BCR: variants seen among roughly 807,000 people sequenced by gnomAD.
BCR encodes the protein breakpoint cluster region protein.
Under a neutral mutation model 138.6 loss-of-function variants are expected in BCR, and 58 were observed. That is an observed-to-expected ratio of 0.42 (90% confidence interval 0.34 to 0.52). The LOEUF (loss-of-function observed/expected upper bound fraction) is 0.52. Ranked by LOEUF, BCR falls within the 20% of genes least tolerant of loss-of-function variation. BCR has a pLI of 0.06. For synonymous variants in BCR, 786 were observed against 730.1 expected, an observed-to-expected ratio of 1.08 and a Z score of -1.23; for missense variants, 1,599 against 1,727.2, an observed-to-expected ratio of 0.93 and a Z score of 1.32.
At chr22:23,256,477 C>T (rs2073296481) in intron 2 of BCR, among the ~76,000 whole-genome samples, 1 of 152,144 alleles carries the variant, frequency 6.6e-6, no homozygotes. Context: ...GCCCCTTGCC[C>T]TCTGGTATGC....
chr22:23,301,091 A>G (rs570518519), intron 16 of BCR, among the ~76,000 whole-genome samples: 10 of 152,238 alleles, frequency 6.6e-5, no homozygotes, highest in Admixed American at 6.5e-4. Flanking sequence ...ATCATTTGAC[A>G]TCAGGAGTTC....
At chr22:23,208,416 GT>G (rs11383542) in intron 1 of BCR, among the ~76,000 whole-genome samples, 6 of 150,156 alleles carry the variant, frequency 4.0e-5, no homozygotes, top group African/African-American at 9.8e-5. Context: ...TTGATTTTAT[GT>G]TTTTTTTTTA....
chr22:23,265,399 G>A (rs1046774578), intron 4 of BCR, among the ~76,000 whole-genome samples: 3 of 152,254 alleles, frequency 2.0e-5, no homozygotes, highest in African/African-American at 7.2e-5. Context: ...GGTTGGCCCA[G>A]CATCGCTCTG....
rs774285285 is a variant in BCR at position 23,181,749 on chromosome 22, C to G, written c.789C>G (p.Ala263=). ...PRFLKDNLID[A]NGGSRPPWPP... is the part of the protein sequence containing the mutation. Reference sequence around the variant, plus strand: ...TCCTGAAGGACAACCTGATCGACGCCAATGGCGGTAGCAGGCCCCCTTGGC... The same window carrying G: ...TCCTGAAGGACAACCTGATCGACGCGAATGGCGGTAGCAGGCCCCCTTGGC... The change falls in exon 1 of 23, where the codon GCC becomes GCG. Residue 263 remains alanine, a synonymous_variant. Coordinates refer to ENST00000305877, the MANE Select transcript of BCR (RefSeq NM_004327.4). 6.2e-7 allele frequency: 1 copy of G among 1,604,840 alleles called. No individual in the cohort carries two copies. The highest frequency in any genetic ancestry group is 8.5e-7 in the Non-Finnish European group (1 of 1,179,966).
chr22:23,210,291 C>T (rs945955424), intron 1 of BCR, among the ~76,000 whole-genome samples: 5 of 151,928 alleles, frequency 3.3e-5, no homozygotes, highest in African/African-American at 1.2e-4. Flanking sequence ...GTGGCATGGA[C>T]CTATAGTCCT....
At chr22:23,301,555 G>A (rs1275730365) in intron 16 of BCR, among the ~76,000 whole-genome samples, 1 of 152,226 alleles carries the variant, frequency 6.6e-6, no homozygotes, top group Non-Finnish European at 1.5e-5. Flanking sequence ...ATCCCTCCCT[G>A]AAGATACAGA....
intron 4 of BCR, chr22:23,263,487 A>C: frequency 6.5e-7 from 1 of 1,548,922 alleles, no homozygotes; most frequent in Non-Finnish European, 8.9e-7. Context: ...GATGCCCTGG[A>C]TGCAGCTAGA....
intron 19 of BCR, 142 bp downstream of exon 19, chr22:23,311,978 G>A (rs1380054733): frequency 2.1e-6 from 3 of 1,412,324 alleles, no homozygotes; most frequent in East Asian, 2.5e-5. Context: ...TTTTAAAAAA[G>A]AGAAGACAAG....
At chr22:23,192,260 A>G (rs2072425178) in intron 1 of BCR, among the ~76,000 whole-genome samples, 1 of 152,168 alleles carries the variant, frequency 6.6e-6, no homozygotes, top group Admixed American at 6.5e-5. Flanking sequence ...GCCTGGAGTA[A>G]CCTGCCCAAG....
At chr22:23,314,501 C>G in intron 21 of BCR, 51 bp from the exon 22 acceptor site, 1 of 1,605,712 alleles carries the variant, frequency 6.2e-7, no homozygotes, top group South Asian at 1.1e-5. Context: ...CCCTCTGCCT[C>G]TCTCCTGGGG....
At chr22:23,230,052 C>T (rs200338010) in intron 1 of BCR, among the ~76,000 whole-genome samples, 11 of 145,976 alleles carry the variant, frequency 7.5e-5, no homozygotes, top group Non-Finnish European at 1.1e-4. Flanking sequence ...CTGTTTGGTT[C>T]TTTTTTTTTT....
At chr22:23,208,325 G>A (rs540097271) in intron 1 of BCR, among the ~76,000 whole-genome samples, 4 of 152,162 alleles carry the variant, frequency 2.6e-5, no homozygotes, top group Non-Finnish European at 4.4e-5. Flanking sequence ...TGTCTGGTGC[G>A]GGTTGAAGTT....
chr22:23,210,738 G>T (rs571320831), intron 1 of BCR, among the ~76,000 whole-genome samples: 1 of 152,330 alleles, frequency 6.6e-6, no homozygotes, highest in East Asian at 1.9e-4. Context: ...GAATTGTACA[G>T]TGTGTAACCT....
intron 19 of BCR, chr22:23,312,474 C>T (rs2074018454): frequency 1.1e-5 from 2 of 182,052 alleles, no homozygotes; most frequent in African/African-American, 2.3e-5. Context: ...AGGATGTAAG[C>T]ACCAATGGCC....
rs1026815649 is a variant in BCR at position 23,218,735 on chromosome 22, G to A, written c.1280-35064G>A. On this transcript the variant is annotated intron_variant, in intron 1 of 22. Coordinates refer to ENST00000305877, the MANE Select transcript of BCR (RefSeq NM_004327.4). ...GTGAGGACCCATGGGGCTTCACCCA[G>A]GACAGCCTGGTTCGCCTGCCCTCCG... Among the ~76,000 whole-genome samples the A allele has an allele frequency of 2.0e-5, 3 of 152,254 alleles. 1 individual carries two copies. Among genetic ancestry groups the A allele is most frequent in the Non-Finnish European group, 4.4e-5 (3 of 68,048 alleles).
intron 1 of BCR, among the ~76,000 whole-genome samples, chr22:23,232,786 A>G (rs1176384037): frequency 6.6e-6 from 1 of 152,210 alleles, no homozygotes; most frequent in Non-Finnish European, 1.5e-5. Flanking sequence ...TTCATGTAGG[A>G]AGGCCTTATT....
At position 23,245,236 on chromosome 22, in the gene BCR, G is replaced by T. The variant is rs564480674; in HGVS notation, c.1280-8563G>T. On this transcript the variant is annotated intron_variant, in intron 1 of 22. Transcript: ENST00000305877. The stretch of plus-strand genomic sequence containing the variant: ...ATCTGCGGTGTCTAGGGTTGCCTGG[G>T]GAGTCAAGGCATCAGGGAGCAGGAC... Among the ~76,000 whole-genome samples, 5 of 152,276 alleles carry T rather than the reference G, an allele frequency of 3.3e-5. No homozygotes were observed. The East Asian group carries it at 9.7e-4, about 29-fold the overall frequency.
chr22:23,273,918 T>C lies in BCR; in HGVS notation c.2115+144T>C, dbSNP rs1202435552. 2.1e-5 allele frequency: 25 copies of C among 1,214,090 alleles called. No individual in the cohort carries two copies. In the South Asian group the frequency reaches 3.6e-4, roughly 18 times the overall value. The allele number at this position is 1,214,090 out of a possible 1,614,324, so 75.2% of individuals were successfully genotyped here. Reference sequence around the variant, plus strand: ...TTGGTGAGATTGGCCGCACACTCAGTCCTGTGTGGAAGGTGTCTGGGTGCA... The same window carrying C: ...TTGGTGAGATTGGCCGCACACTCAGCCCTGTGTGGAAGGTGTCTGGGTGCA... On this transcript the variant is annotated intron_variant, in intron 8 of 22. Coordinates refer to ENST00000305877, the MANE Select transcript of BCR (RefSeq NM_004327.4).
chr22:23,239,512 A>C (rs1258723472), intron 1 of BCR, among the ~76,000 whole-genome samples: 2 of 151,910 alleles, frequency 1.3e-5, no homozygotes, highest in East Asian at 3.9e-4. Flanking sequence ...TCTGTCTGCC[A>C]CTCTGAGTCT....
Sources: gnomAD v4.1 joint callset for allele counts (sites outside exome capture counted in the v4.1 genomes callset) on GRCh38, gnomAD v4.1.1 for gene constraint, MANE v1.5 for transcripts, NCBI Gene and HGNC (gene_info 2026-07-23, HGNC 2026-07-21) for gene names.